The following IQSEC2 variants were observed in gnomAD, a reference collection of about 807,000 sequenced individuals.
The protein encoded by IQSEC2 is IQ motif and Sec7 domain ArfGEF 2.
Under a neutral mutation model 74.6 loss-of-function variants are expected in IQSEC2, and 6 were observed. That is an observed-to-expected ratio of 0.08 (90% CI 0.04 to 0.16). The LOEUF is 0.16. Ranked by LOEUF, IQSEC2 falls within the 10% of genes least tolerant of loss-of-function variation. The probability of loss-of-function intolerance (pLI) is 1.00; values close to 1 mark genes in which losing one functional copy is unlikely to be tolerated. For synonymous variants in IQSEC2, 494 were observed against 544.5 expected (o/e 0.91, Z 1.29); for missense variants, 734 against 1,306.2 (o/e 0.56, Z 6.75).
chrX:53,289,367 G>A (rs782095455), intron 2 of IQSEC2, among the ~76,000 whole-genome samples: 3 of 110,918 alleles, frequency 2.7e-5, no homozygotes, highest in South Asian at 3.8e-4. Flanking sequence ...ACAGAAGGTC[G>A]CTGTGACCCA....
chrX:53,317,150 A>G (rs1227212814), intron 1 of IQSEC2, among the ~76,000 whole-genome samples: 4 of 111,977 alleles, frequency 3.6e-5, no homozygotes, highest in East Asian at 5.6e-4. Context: ...TCTCTAATCA[A>G]CCAGGCTTGG....
At chrX:53,274,704 G>T (rs893638987) in intron 2 of IQSEC2, among the ~76,000 whole-genome samples, 2 of 109,959 alleles carry the variant, frequency 1.8e-5, no homozygotes, top group African/African-American at 6.6e-5. Flanking sequence ...CTCATGATCC[G>T]CCTGCCTCGG....
At chrX:53,283,221 A>AAAAG (rs1408960323) in intron 2 of IQSEC2, among the ~76,000 whole-genome samples, 1 of 112,022 alleles carries the variant, frequency 8.9e-6, no homozygotes, top group Non-Finnish European at 1.9e-5. Context: ...GTACAAAAGA[A>AAAAG]AAAGAAAGAA....
chrX:53,256,633 C>A (rs191899218), intron 2 of IQSEC2, among the ~76,000 whole-genome samples: 1 of 112,005 alleles, frequency 8.9e-6, no homozygotes, highest in African/African-American at 3.2e-5. Flanking sequence ...GCCCTGTCCC[C>A]TGCAGCCTGG....
At chrX:53,290,156 C>A (rs143940133) in intron 2 of IQSEC2, among the ~76,000 whole-genome samples, 185 of 111,138 alleles carry the variant, frequency 1.7e-3, no homozygotes, top group African/African-American at 5.7e-3. Context: ...ATATTAGCTG[C>A]CTGGCTGCAG....
intron 3 of IQSEC2, among the ~76,000 whole-genome samples, chrX:53,255,577 C>T (rs782564706): frequency 1.8e-5 from 2 of 111,330 alleles, no homozygotes; most frequent in South Asian, 3.8e-4. Context: ...CGCCAGGACC[C>T]GGGCAGGGAG....
At chrX:53,244,216 C>CAAAAAAAAAAAAAAG (rs2074267760) in intron 8 of IQSEC2, among the ~76,000 whole-genome samples, 1 of 58,894 alleles carries the variant, frequency 1.7e-5, no homozygotes, top group African/African-American at 6.7e-5. Context: ...GACTCTGTCT[C>CAAAAAAAAAAAAAAG]AAAAAAAAAA....
chrX:53,298,104 C>T (rs782106676), intron 1 of IQSEC2, among the ~76,000 whole-genome samples: 186 of 110,753 alleles, frequency 1.7e-3, no homozygotes, highest in African/African-American at 5.9e-3. Context: ...CACTCCAGAC[C>T]GGGCGACACA....
chrX:53,288,406 C>G (rs1327693212), intron 2 of IQSEC2, among the ~76,000 whole-genome samples: 3 of 103,163 alleles, frequency 2.9e-5, no homozygotes, highest in South Asian at 4.8e-4. Context: ...CCCTCCTTCC[C>G]TAGCAACAGG....
chrX:53,271,864 C>G, intron 2 of IQSEC2, among the ~76,000 whole-genome samples: 1 of 111,493 alleles, frequency 9.0e-6, no homozygotes, highest in Admixed American at 9.6e-5. Flanking sequence ...AATGCAAACC[C>G]CTTTACCAAT....
chrX:53,254,081 A>G (rs1397736757), intron 4 of IQSEC2, among the ~76,000 whole-genome samples: 2 of 111,838 alleles, frequency 1.8e-5, no homozygotes, highest in Admixed American at 9.5e-5. Context: ...CTGTAATCTC[A>G]GCACTTCCGG....
chrX:53,300,026 G>A (rs782304438), intron 1 of IQSEC2, among the ~76,000 whole-genome samples: 44 of 110,057 alleles, frequency 4.0e-4, no homozygotes, highest in African/African-American at 1.4e-3. Context: ...TCCCAAAGTT[G>A]GGGGGGGAAT....
Position 53,246,958 on chromosome X carries a change from A to G in IQSEC2, c.2749+11T>C. 1 of 1,207,859 alleles carries G rather than the reference A, an allele frequency of 8.3e-7. No homozygotes were observed. Among genetic ancestry groups the G allele is most frequent in the East Asian group, 3.0e-5 (1 of 33,838 alleles). ...CAGGTGAAGGGCAGGAAAAGCTGACAGGGAAGTCACCTCTCAGGTTCTTGA... is the reference window on the plus strand; with the variant it reads ...CAGGTGAAGGGCAGGAAAAGCTGACGGGGAAGTCACCTCTCAGGTTCTTGA... On this transcript the variant is annotated intron_variant, in intron 8 of 14. Transcript: ENST00000642864.
At chrX:53,283,697 G>T (rs1370155115) in intron 2 of IQSEC2, among the ~76,000 whole-genome samples, 2 of 111,904 alleles carry the variant, frequency 1.8e-5, no homozygotes, top group Non-Finnish European at 3.8e-5. Context: ...TGAAGGGTGA[G>T]GAGCCTGACC....
chrX:53,249,187 AG>A (rs1556862716), intron 5 of IQSEC2, among the ~76,000 whole-genome samples: 1 of 111,676 alleles, frequency 9.0e-6, no homozygotes, highest in African/African-American at 3.3e-5. Flanking sequence ...GCTCTATGCC[AG>A]GCTTGACATT....
At chrX:53,293,791 C>T (rs1329425665) in intron 1 of IQSEC2, among the ~76,000 whole-genome samples, 1 of 112,359 alleles carries the variant, frequency 8.9e-6, no homozygotes, top group Non-Finnish European at 1.9e-5. Context: ...TTAAGCAACA[C>T]ATCTAATCAC....
chrX:53,283,802 G>A (rs1290959365), intron 2 of IQSEC2, among the ~76,000 whole-genome samples: 1 of 112,249 alleles, frequency 8.9e-6, no homozygotes, highest in African/African-American at 3.2e-5. Flanking sequence ...AGTGACTACA[G>A]GTAGACAATG....
intron 1 of IQSEC2, among the ~76,000 whole-genome samples, chrX:53,307,742 T>C (rs1556877037): frequency 9.4e-6 from 1 of 106,658 alleles, no homozygotes; most frequent in East Asian, 3.0e-4. Flanking sequence ...CCATCTCTAC[T>C]AAAAATACAA....
At chrX:53,296,247 C>A (rs1302241678) in intron 1 of IQSEC2, among the ~76,000 whole-genome samples, 1 of 111,245 alleles carries the variant, frequency 9.0e-6, no homozygotes, top group Non-Finnish European at 1.9e-5. Flanking sequence ...GTTGGTCAGG[C>A]TGGTCTCGAA....
Sources: allele counts gnomAD v4.1 joint callset (sites outside exome capture counted in the v4.1 genomes callset), GRCh38; gene constraint gnomAD v4.1.1; transcripts MANE v1.5; gene names NCBI Gene and HGNC (gene_info 2026-07-23, HGNC 2026-07-21).